ZNF385D: variants seen among roughly 807,000 people sequenced by gnomAD.
ZNF385D encodes zinc finger protein 659.
ZNF385D carries 15 observed loss-of-function variants against 35.8 expected under a neutral mutation model. The observed-to-expected ratio is 0.42, with a 90% confidence interval of 0.28 to 0.64. The LOEUF (loss-of-function observed/expected upper bound fraction) is 0.64. Among genes scored for constraint, ZNF385D ranks in the 30% least tolerant of loss-of-function variants. The pLI is 0.23. For missense variants in ZNF385D, 474 were observed against 494.6 expected (o/e 0.96, Z 0.39); for synonymous variants, 212 against 186.8 (o/e 1.13, Z -1.10).
intron 2 of ZNF385D, among the ~76,000 whole-genome samples, chr3:21,615,817 T>TGTGTGTGTGTGTGTGTGTG (rs1559462215): frequency 3.3e-5 from 5 of 150,534 alleles, no homozygotes; most frequent in East Asian, 2.0e-4. Flanking sequence ...TGTGTGTGTG[T>TGTGTGTGTGTGTGTGTGTG]TTACTGGTTA....
At chr3:21,551,521 A>G (rs1025899168) in intron 3 of ZNF385D, among the ~76,000 whole-genome samples, 8 of 152,240 alleles carry the variant, frequency 5.3e-5, no homozygotes, top group Non-Finnish European at 7.3e-5. Context: ...TTCCTATTCT[A>G]TAGTGAATCA....
chr3:21,723,900 G>C (rs1314322049), intron 1 of ZNF385D, among the ~76,000 whole-genome samples: 1 of 152,120 alleles, frequency 6.6e-6, no homozygotes, highest in Non-Finnish European at 1.5e-5. Flanking sequence ...CAGCCAGAGA[G>C]AAAGGTCAGG....
intron 3 of ZNF385D, among the ~76,000 whole-genome samples, chr3:22,167,165 G>C (rs1706389446): frequency 6.6e-6 from 1 of 152,170 alleles, no homozygotes; most frequent in South Asian, 2.1e-4. Flanking sequence ...ACTGGACTGA[G>C]AATCTGTCTT....
chr3:22,112,307 T>A (rs1044820372), intron 3 of ZNF385D, among the ~76,000 whole-genome samples: 2 of 152,084 alleles, frequency 1.3e-5, no homozygotes, highest in Admixed American at 1.3e-4. Flanking sequence ...AAATAATGAA[T>A]AACCACAAGA....
At chr3:22,080,969 T>C (rs1700722915) in intron 3 of ZNF385D, among the ~76,000 whole-genome samples, 1 of 152,214 alleles carries the variant, frequency 6.6e-6, no homozygotes, top group African/African-American at 2.4e-5. Context: ...CACATGTTTG[T>C]TGTTCATAAG....
chr3:21,423,965 C>A lies in ZNF385D; in HGVS notation c.952G>T (p.Gly318Trp). 1 of 1,606,440 alleles carries A rather than the reference C, an allele frequency of 6.2e-7. No homozygotes were observed. Among genetic ancestry groups the A allele is most frequent in the Non-Finnish European group, 8.5e-7 (1 of 1,177,494 alleles). Reference sequence around the variant, plus strand: ...GACTCTTGCAAAATGACACTCACCCCCAGTGGATGTGCTGTCTTCTGTAGT... The same window carrying A: ...GACTCTTGCAAAATGACACTCACCCACAGTGGATGTGCTGTCTTCTGTAGT... ...NKLQKTAHPLGVKLVFSKEPS... is the reference protein window; with the variant it reads ...NKLQKTAHPLWVKLVFSKEPS... The change falls in exon 7 of 8, where the codon GGG becomes TGG. Residue 318 changes from glycine to tryptophan, a missense_variant and splice_region_variant. Gly to Trp is a radical substitution (Grantham distance 184, BLOSUM62 -2). Transcript: ENST00000281523.
Position 21,751,130 on chromosome 3 carries a change from G to T in ZNF385D, c.-214C>A. 1 of 1,460,372 alleles carries T rather than the reference G, an allele frequency of 6.8e-7. No homozygotes were observed. The allele number at this position is 1,460,372 out of a possible 1,614,324, so 90.5% of individuals were successfully genotyped here. ...CCCCGGCGGCTGGAGAGTGCGCTCG[G>T]GCTGCCTGCTGCACTGCCCATCCTT... is the stretch of plus-strand genomic sequence containing the variant. On this transcript the variant is annotated 5_prime_UTR_variant, in exon 1 of 8. Coordinates refer to ENST00000281523, the MANE Select transcript of ZNF385D (RefSeq NM_024697.3).
rs886887250 is a variant in ZNF385D, at chr3:21,737,398, A to G, written c.22+13497T>C. 3.3e-5 allele frequency among the ~76,000 whole-genome samples: 5 copies of G among 152,198 alleles called. No homozygotes were observed. In the South Asian group the frequency reaches 6.2e-4, roughly 19 times the overall value. On this transcript the variant is annotated intron_variant, in intron 1 of 7. Transcript: ENST00000281523. ...GAATGAGAATCAGTATACGATACAT[A>G]AAACAATATGCAAAACAAGGTACAC...
chr3:21,607,130 T>A (rs2064506873), intron 2 of ZNF385D, among the ~76,000 whole-genome samples: 1 of 152,202 alleles, frequency 6.6e-6, no homozygotes. Flanking sequence ...TTCTTAAAAT[T>A]GATGGTGTGT....
In ZNF385D at chr3:22,009,604, C is replaced by T. The variant is rs1220559797; in HGVS notation, c.325+159213G>A. On this transcript the variant is annotated intron_variant, in intron 3 of 5. Coordinates refer to the ZNF385D transcript ENST00000494108. ...CACAACTGCACTCTAGCCTGGGCAA[C>T]AGAGTGAGACTCTGTCTCAAAAAAA... is the stretch of plus-strand genomic sequence containing the variant. 1.6e-4 allele frequency among the ~76,000 whole-genome samples: 22 copies of T among 137,464 alleles called. No individual in the cohort carries two copies. In the Admixed American group the frequency reaches 1.7e-3, roughly 11 times the overall value. 90.2% of individuals were successfully genotyped at this position (137,464 alleles called of 152,430 possible).
chr3:22,093,661 T>C (rs965057110), intron 3 of ZNF385D, among the ~76,000 whole-genome samples: 2 of 152,150 alleles, frequency 1.3e-5, no homozygotes, highest in African/African-American at 4.8e-5. Context: ...GTCTTCCCAC[T>C]CACCCTTTTT....
chr3:22,061,814 T>C (rs1410993998), intron 3 of ZNF385D, among the ~76,000 whole-genome samples: 1 of 152,208 alleles, frequency 6.6e-6, no homozygotes, highest in Admixed American at 6.5e-5. Flanking sequence ...ATAGCGCTCA[T>C]CACAATCTGG....
At chr3:21,695,879 T>C (rs924309816) in intron 1 of ZNF385D, among the ~76,000 whole-genome samples, 2 of 152,242 alleles carry the variant, frequency 1.3e-5, no homozygotes, top group African/African-American at 4.8e-5. Context: ...ATAAGAATGG[T>C]ATTTAATTCT....
At chr3:22,071,378 A>G (rs1700221873) in intron 3 of ZNF385D, among the ~76,000 whole-genome samples, 1 of 152,066 alleles carries the variant, frequency 6.6e-6, no homozygotes, top group Non-Finnish European at 1.5e-5. Context: ...CAAGAAAGAG[A>G]TTTTTCCAGA....
chr3:21,654,273 T>G (rs2066007345), intron 2 of ZNF385D, among the ~76,000 whole-genome samples: 2 of 152,086 alleles, frequency 1.3e-5, no homozygotes, highest in Admixed American at 6.6e-5. Flanking sequence ...ACTAATTTTA[T>G]CATTTTAATA....
chr3:21,887,338 A>G (rs1447802099), intron 3 of ZNF385D, among the ~76,000 whole-genome samples: 2 of 152,134 alleles, frequency 1.3e-5, no homozygotes, highest in Non-Finnish European at 2.9e-5. Context: ...AAACTTAACT[A>G]TGCACATTAA....
At chr3:21,927,273 C>CT (rs71618874) in intron 3 of ZNF385D, among the ~76,000 whole-genome samples, 18,347 of 151,282 alleles carry the variant, frequency 0.12, 1,481 homozygotes, top group South Asian at 0.26. Flanking sequence ...AAATAAATCT[C>CT]TTTTTTTTTA....
intron 3 of ZNF385D, among the ~76,000 whole-genome samples, chr3:21,521,454 G>A (rs1268208520): frequency 1.3e-5 from 2 of 152,144 alleles, no homozygotes; most frequent in East Asian, 1.9e-4. Flanking sequence ...AAATTAAGTT[G>A]CATGTATAAA....
intron 3 of ZNF385D, among the ~76,000 whole-genome samples, chr3:21,968,135 T>G (rs913051117): frequency 6.6e-6 from 1 of 152,044 alleles, no homozygotes; most frequent in Non-Finnish European, 1.5e-5. Context: ...GGACTTCACA[T>G]TGGAATTCAG....
Sources: gnomAD v4.1 joint callset for allele counts (sites outside exome capture counted in the v4.1 genomes callset) on GRCh38, gnomAD v4.1.1 for gene constraint, MANE v1.5 for transcripts, NCBI Gene and HGNC (gene_info 2026-07-23, HGNC 2026-07-21) for gene names.